Variants in ZNF385B observed in about 807,000 individuals in gnomAD.
ZNF385B encodes the protein zinc finger protein 533.
Under a neutral mutation model 39.2 loss-of-function variants are expected in ZNF385B, and 23 were observed. The observed-to-expected ratio is 0.59, with a 90% CI of 0.42 to 0.83. The LOEUF (loss-of-function observed/expected upper bound fraction) is 0.83. Among genes scored for constraint, ZNF385B ranks in the 40% least tolerant of loss-of-function variants. ZNF385B has a pLI of 0.00. For missense variants in ZNF385B, 552 were observed against 598.9 expected (o/e 0.92, Z 0.82); for synonymous variants, 205 against 222.6 (o/e 0.92, Z 0.70).
chr2:179,567,042 A>T (rs3112926), intron 3 of ZNF385B, among the ~76,000 whole-genome samples: 1 of 151,002 alleles, frequency 6.6e-6, no homozygotes, highest in Non-Finnish European at 1.5e-5. Flanking sequence ...CCGCCTCCCG[A>T]GTAGCTGAGA....
chr2:179,685,910 C>T (rs1239679083), intron 3 of ZNF385B, among the ~76,000 whole-genome samples: 1 of 152,204 alleles, frequency 6.6e-6, no homozygotes, highest in African/African-American at 2.4e-5. Flanking sequence ...TAGCTGGCAT[C>T]AAAGGCCAAT....
intron 1 of ZNF385B, among the ~76,000 whole-genome samples, chr2:179,813,700 A>G (rs988201788): frequency 9.9e-5 from 15 of 152,236 alleles, no homozygotes; most frequent in Non-Finnish European, 1.9e-4. Flanking sequence ...ACTGTCTCAT[A>G]AAGCAACTTT....
intron 3 of ZNF385B, among the ~76,000 whole-genome samples, chr2:179,555,688 T>C (rs1333788445): frequency 1.3e-5 from 2 of 149,292 alleles, no homozygotes; most frequent in Non-Finnish European, 3.0e-5. Context: ...TGTGAGCAAA[T>C]AAAATTTCTC....
At chr2:179,450,943 C>T (rs2050068809) in intron 6 of ZNF385B, among the ~76,000 whole-genome samples, 1 of 152,070 alleles carries the variant, frequency 6.6e-6, no homozygotes, top group South Asian at 2.1e-4. Context: ...AGTTCATGTC[C>T]TTTGCAGGGA....
chr2:179,528,678 GA>G (rs1053414833), intron 4 of ZNF385B, among the ~76,000 whole-genome samples: 3 of 151,764 alleles, frequency 2.0e-5, no homozygotes, highest in Admixed American at 6.6e-5. Context: ...GTTCTGAGTA[GA>G]AAAAAAAATT....
chr2:179,706,733 T>C (rs938219921), intron 3 of ZNF385B, among the ~76,000 whole-genome samples: 1 of 152,230 alleles, frequency 6.6e-6, no homozygotes, highest in African/African-American at 2.4e-5. Context: ...ACTGGCTGTT[T>C]CTGACTGCAC....
intron 3 of ZNF385B, among the ~76,000 whole-genome samples, chr2:179,557,173 G>A (rs2060962093): frequency 6.7e-6 from 1 of 149,160 alleles, no homozygotes; most frequent in African/African-American, 2.5e-5. Flanking sequence ...AGAGCTCACT[G>A]CCCATGAACA....
intron 3 of ZNF385B, chr2:179,585,968 A>G (rs1687036071): frequency 6.6e-6 from 1 of 152,252 alleles, no homozygotes; most frequent in East Asian, 1.9e-4. Context: ...AGCGTCTCAC[A>G]AATTCTGGAA....
intron 4 of ZNF385B, among the ~76,000 whole-genome samples, chr2:179,541,112 T>A (rs993992035): frequency 1.3e-5 from 2 of 152,216 alleles, no homozygotes; most frequent in African/African-American, 4.8e-5. Context: ...CAAGCATGTG[T>A]CCTTGACATG....
intron 3 of ZNF385B, among the ~76,000 whole-genome samples, chr2:179,695,295 T>C (rs1026257015): frequency 2.8e-4 from 42 of 152,198 alleles, no homozygotes; most frequent in African/African-American, 1.0e-3. Flanking sequence ...TTTTTAGATA[T>C]GATACCAAAA....
At chr2:179,811,107 T>A (rs1348361201) in intron 1 of ZNF385B, among the ~76,000 whole-genome samples, 6 of 151,974 alleles carry the variant, frequency 3.9e-5, no homozygotes, top group Non-Finnish European at 1.5e-5. Context: ...TAACCAAGGA[T>A]GTAAAAGATT....
At chr2:179,846,510 G>A (rs893400610) in intron 1 of ZNF385B, among the ~76,000 whole-genome samples, 51 of 152,088 alleles carry the variant, frequency 3.4e-4, no homozygotes, top group African/African-American at 5.1e-4. Context: ...ATTTACCTGC[G>A]TGGAAAATAA....
At chr2:179,566,547 C>T (rs564753711) in intron 3 of ZNF385B, among the ~76,000 whole-genome samples, 8 of 152,116 alleles carry the variant, frequency 5.3e-5, no homozygotes, top group Admixed American at 2.0e-4. Context: ...GTTGTGTATT[C>T]GAATGGTTAC....
chr2:179,860,966 G>C (rs1440088358), intron 1 of ZNF385B, 135 bp downstream of exon 1: 1 of 168,296 alleles, frequency 5.9e-6, no homozygotes, highest in Non-Finnish European at 1.4e-5. Context: ...AACTCTACCG[G>C]GAGGGGGGCT....
At chr2:179,837,834 G>C (rs1708332439) in intron 1 of ZNF385B, among the ~76,000 whole-genome samples, 1 of 152,124 alleles carries the variant, frequency 6.6e-6, no homozygotes, top group African/African-American at 2.4e-5. Context: ...GAGAACAGTA[G>C]AGTTAGATAT....
intron 6 of ZNF385B, among the ~76,000 whole-genome samples, chr2:179,473,356 A>G (rs1224791395): frequency 6.6e-6 from 1 of 152,214 alleles, no homozygotes; most frequent in Non-Finnish European, 1.5e-5. Context: ...ACGATCATAG[A>G]GTCAAAATAT....
At chr2:179,764,128 G>A (rs1034651017) in intron 3 of ZNF385B, among the ~76,000 whole-genome samples, 4 of 151,890 alleles carry the variant, frequency 2.6e-5, no homozygotes, top group Admixed American at 6.6e-5. Context: ...TGTATTTTGA[G>A]GCTCTGTTGT....
chr2:179,450,693 G>A (rs968556706), intron 6 of ZNF385B, among the ~76,000 whole-genome samples: 32 of 151,550 alleles, frequency 2.1e-4, no homozygotes, highest in African/African-American at 6.8e-4. Flanking sequence ...TCAGTGTGGC[G>A]ATTCCTCAGG....
At chr2:179,819,723 G>A (rs1304065018) in intron 1 of ZNF385B, among the ~76,000 whole-genome samples, 2 of 152,188 alleles carry the variant, frequency 1.3e-5, no homozygotes, top group African/African-American at 4.8e-5. Flanking sequence ...CTCAAGGACA[G>A]GTCAAAGGTC....
Sources: gnomAD v4.1 joint callset for allele counts (sites outside exome capture counted in the v4.1 genomes callset) on GRCh38, gnomAD v4.1.1 for gene constraint, MANE v1.5 for transcripts, NCBI Gene and HGNC (gene_info 2026-07-23, HGNC 2026-07-21) for gene names.